The following KALRN variants were observed in gnomAD, a reference collection of about 807,000 sequenced individuals.
KALRN encodes the protein kalirin RhoGEF kinase, also known as kalirin.
In KALRN, 70 loss-of-function variants were observed where a neutral mutation model predicts 353.7. The observed-to-expected ratio is 0.20, with a 90% CI of 0.16 to 0.24. The LOEUF (loss-of-function observed/expected upper bound fraction) is 0.24, where lower values mean the gene tolerates loss of function less well. Ranked by LOEUF, KALRN falls within the 10% of genes least tolerant of loss-of-function variation. The probability of loss-of-function intolerance (pLI) is 1.00; values close to 1 mark genes in which losing one functional copy is unlikely to be tolerated. For synonymous variants in KALRN, 1,391 were observed against 1,434.8 expected (o/e 0.97, Z 0.69); for missense variants, 2,791 against 3,756.7 (o/e 0.74, Z 6.72).
At chr3:124,227,834 T>C (rs1407495426) in intron 1 of KALRN, among the ~76,000 whole-genome samples, 156 bp from the exon 2 acceptor site, 1 of 151,924 alleles carries the variant, frequency 6.6e-6, no homozygotes, top group Non-Finnish European at 1.5e-5. Context: ...TCCCTTCTGT[T>C]GCAGACCCTC....
intron 7 of KALRN, among the ~76,000 whole-genome samples, chr3:124,327,197 A>T (rs1042833223): frequency 1.3e-5 from 2 of 152,244 alleles, no homozygotes; most frequent in Non-Finnish European, 2.9e-5. Context: ...CTAAACTTAA[A>T]AATGTGTCCT....
intron 1 of KALRN, among the ~76,000 whole-genome samples, chr3:124,216,812 G>A (rs888814888): frequency 6.6e-6 from 1 of 152,146 alleles, no homozygotes; most frequent in African/African-American, 2.4e-5. Context: ...GTTATGCTAG[G>A]TCCACAGGGG....
intron 27 of KALRN, among the ~76,000 whole-genome samples, chr3:124,480,790 A>C (rs2061907369): frequency 6.6e-6 from 1 of 152,194 alleles, no homozygotes; most frequent in Non-Finnish European, 1.5e-5. Flanking sequence ...ACATTTCATA[A>C]AATTGAGTCA....
At chr3:124,426,743 A>G (rs991462198) in intron 15 of KALRN, among the ~76,000 whole-genome samples, 1 of 152,140 alleles carries the variant, frequency 6.6e-6, no homozygotes, top group African/African-American at 2.4e-5. Flanking sequence ...CTCAATGCCA[A>G]ATTACTCTCC....
Position 124,334,469 on chromosome 3 carries a change from T to G in KALRN, c.1621T>G (p.Cys541Gly). The G allele has an allele frequency of 6.2e-7, 1 of 1,613,760 alleles. No homozygotes were observed. Among genetic ancestry groups the G allele is most frequent in the South Asian group, 1.1e-5 (1 of 91,066 alleles). Residue 541 changes from cysteine (C) to glycine (G), a missense_variant, in exon 9 of 60, where the codon TGC becomes GGC. Cys to Gly is a radical substitution (Grantham distance 159, BLOSUM62 -3). Around this residue, in one of 11 missense-constraint regions of KALRN, gnomAD observed 366 missense variants for 489.2 expected, o/e 0.75. Coordinates refer to ENST00000682506, the MANE Select transcript of KALRN (RefSeq NM_001388419.1). This position sits in a 1 kb window ranked among gnomAD's most constrained non-coding sequence, Gnocchi z 4.2. The part of the protein sequence containing the change: ...KVRLHQRLQL[C>G]VFQQDVQQVL... ...GCGGCTCCACCAGCGGCTGCAGCTC[T>G]GCGTCTTCCAGCAGGATGTACAGCA...
At chr3:124,580,000 A>G (rs1052986158) in intron 34 of KALRN, among the ~76,000 whole-genome samples, 1 of 152,204 alleles carries the variant, frequency 6.6e-6, no homozygotes, top group Admixed American at 6.5e-5. Context: ...AAGACAAGTC[A>G]AGGTGCTGTT....
At chr3:124,495,506 C>T (rs1419020458) in intron 32 of KALRN, among the ~76,000 whole-genome samples, 3 of 151,786 alleles carry the variant, frequency 2.0e-5, no homozygotes, top group East Asian at 1.9e-4. Flanking sequence ...GATGCCAAGG[C>T]GGGCAGATCA....
At chr3:124,212,527 T>C (rs1300896433) in intron 1 of KALRN, among the ~76,000 whole-genome samples, 1 of 152,162 alleles carries the variant, frequency 6.6e-6, no homozygotes, top group East Asian at 1.9e-4. Flanking sequence ...TTCTGTTGGA[T>C]ACTTAGGATA....
chr3:124,103,929 C>G (rs2062074834), intron 1 of KALRN, among the ~76,000 whole-genome samples: 1 of 151,982 alleles, frequency 6.6e-6, no homozygotes, highest in South Asian at 2.1e-4. Context: ...GCACTCTAGC[C>G]TGGGTGGCAG....
chr3:124,518,985 GA>G, intron 33 of KALRN: 1 of 990,404 alleles, frequency 1.0e-6, no homozygotes, highest in Non-Finnish European at 1.2e-6. Flanking sequence ...AAGAAGGGAT[GA>G]TGTGTGGTAG....
At chr3:124,385,946 G>A (rs1255086053) in intron 11 of KALRN, among the ~76,000 whole-genome samples, 3 of 151,528 alleles carry the variant, frequency 2.0e-5, no homozygotes, top group Non-Finnish European at 4.4e-5. Context: ...AAGTTTGATT[G>A]CTGCTCAGGA....
At position 124,248,260 on chromosome 3, in the gene KALRN, C is replaced by G. The variant is rs182019437; in HGVS notation, c.263+13317C>G. Among the ~76,000 whole-genome samples the G allele has an allele frequency of 1.8e-3, 270 of 152,332 alleles. 2 individuals carry two copies. In the Middle Eastern group the frequency reaches 0.024, roughly 13 times the overall value. On this transcript the variant is annotated intron_variant, in intron 3 of 59. Coordinates refer to ENST00000682506, the MANE Select transcript of KALRN (RefSeq NM_001388419.1). ...GGAAAAAGGAGAGGGCTTCACCCCC[C>G]CCATACTCCTTAGGGCCAATGCCGG...
In KALRN at chr3:124,125,152, A is replaced by G. The variant is rs1002813865; in HGVS notation, c.73+91339A>G. Reference sequence around the variant, plus strand: ...AAATAGGATGATTTACAATTTACAAAAGGGTTTCACATGGGTTATCTCATT... The same window carrying G: ...AAATAGGATGATTTACAATTTACAAGAGGGTTTCACATGGGTTATCTCATT... On this transcript the variant is annotated intron_variant, in intron 1 of 59. Transcript: ENST00000682506. 2.0e-5 allele frequency among the ~76,000 whole-genome samples: 3 copies of G among 152,184 alleles called. No individual in the cohort carries two copies. The East Asian group carries it at 5.8e-4, about 29-fold the overall frequency.
rs374990541 is a variant in KALRN at position 124,120,130 on chromosome 3, G to A, written c.73+86317G>A. Among the ~76,000 whole-genome samples the A allele has an allele frequency of 5.3e-5, 8 of 152,222 alleles. 1 individual carries two copies. In the South Asian group the frequency reaches 1.7e-3, roughly 32 times the overall value. ...TGGATTTCAAGAGGCTGAAACAAAAGACAGCAGTGTGGGTACATGGGGTGA... is the reference window on the plus strand; with the variant it reads ...TGGATTTCAAGAGGCTGAAACAAAAAACAGCAGTGTGGGTACATGGGGTGA... On this transcript the variant is annotated intron_variant, in intron 1 of 59. Coordinates refer to ENST00000682506, the MANE Select transcript of KALRN (RefSeq NM_001388419.1).
chr3:124,059,017 T>A (rs2149201572), intron 1 of KALRN, among the ~76,000 whole-genome samples: 1 of 152,282 alleles, frequency 6.6e-6, no homozygotes, highest in East Asian at 1.9e-4. Context: ...CTCCTTGTAA[T>A]CCTCTTCCTT....
Position 124,395,175 on chromosome 3 carries a change from A to C in KALRN, c.2003A>C (p.Glu668Ala). ...GAAGACCTTCAGAAGGAGATGTTGG[A>C]GGATGTCTGTGCAGATTCTGTGGAT... is the stretch of plus-strand genomic sequence containing the variant. ...WMEDLQKEML[E>A]DVCADSVDAV... Residue 668 changes from glutamate (E) to alanine (A), a missense_variant, in exon 12 of 60, where the codon GAG (glutamate) becomes GCG (alanine). This residue lies in a region of KALRN where 452 missense variants were observed against 575.8 expected (regional missense o/e 0.78). Transcript: ENST00000682506. 1 of 1,613,358 alleles carries C rather than the reference A, an allele frequency of 6.2e-7. No homozygotes were observed. Among genetic ancestry groups the C allele is most frequent in the South Asian group, 1.1e-5 (1 of 91,024 alleles).
intron 1 of KALRN, among the ~76,000 whole-genome samples, chr3:124,226,623 A>G (rs2078540015): frequency 6.6e-6 from 1 of 152,218 alleles, no homozygotes; most frequent in Non-Finnish European, 1.5e-5. Flanking sequence ...TTGTGAGCAC[A>G]CATCTCTCTT....
At chr3:124,499,321 G>A (rs151172960) in intron 33 of KALRN, among the ~76,000 whole-genome samples, 96 of 152,306 alleles carry the variant, frequency 6.3e-4, no homozygotes, top group South Asian at 3.5e-3. Context: ...GTGTCACATT[G>A]CATAGGTTAC....
At chr3:124,625,120 T>C (rs779921501) in intron 34 of KALRN, among the ~76,000 whole-genome samples, 8 of 152,310 alleles carry the variant, frequency 5.3e-5, no homozygotes, top group Middle Eastern at 3.4e-3. Context: ...TAAACACTTT[T>C]CAAATATTAA....
Sources: allele counts gnomAD v4.1 joint callset (sites outside exome capture counted in the v4.1 genomes callset), GRCh38; gene constraint gnomAD v4.1.1; regional missense constraint gnomAD v4.1.1; non-coding constraint Gnocchi (gnomAD v3.1); transcripts MANE v1.5; gene names NCBI Gene and HGNC (gene_info 2026-07-23, HGNC 2026-07-21).